Variants in PARD3B observed in about 807,000 individuals in gnomAD.
The protein encoded by PARD3B is par-3 family cell polarity regulator beta.
PARD3B carries 103 observed loss-of-function variants against 130.2 expected under a neutral mutation model. That is an observed-to-expected ratio of 0.79 (90% CI 0.67 to 0.93). The LOEUF is 0.93. Among genes scored for constraint, PARD3B ranks in the 40% least tolerant of loss-of-function variants. The pLI is 0.00. For missense variants in PARD3B, 1,609 were observed against 1,499.2 expected (o/e 1.07, Z -1.21); for synonymous variants, 583 against 553.2 (o/e 1.05, Z -0.76).
chr2:205,148,850 G>T (rs951483115), intron 10 of PARD3B, among the ~76,000 whole-genome samples: 1 of 152,122 alleles, frequency 6.6e-6, no homozygotes, highest in African/African-American at 2.4e-5. Context: ...ACATTTGGGA[G>T]GCAAGGCAAA....
At chr2:205,410,829 G>A (rs546909786) in intron 19 of PARD3B, among the ~76,000 whole-genome samples, 1 of 152,194 alleles carries the variant, frequency 6.6e-6, no homozygotes, top group South Asian at 2.1e-4. Flanking sequence ...GTTCACATAG[G>A]TTGGCAAACT....
chr2:204,551,554 T>G (rs1458033356), intron 1 of PARD3B, among the ~76,000 whole-genome samples: 1 of 152,070 alleles, frequency 6.6e-6, no homozygotes, highest in African/African-American at 2.4e-5. Context: ...CCCTCCTCTT[T>G]CTCTTTCTCT....
intron 10 of PARD3B, among the ~76,000 whole-genome samples, chr2:205,140,486 CTTTTT>C (rs35408494): frequency 2.6e-5 from 3 of 117,488 alleles, no homozygotes; most frequent in Non-Finnish European, 3.4e-5. Context: ...AAGACCGTTC[CTTTTT>C]TTTTTTTTTT....
chr2:205,318,498 A>G (rs2042636877), intron 18 of PARD3B, among the ~76,000 whole-genome samples: 2 of 152,082 alleles, frequency 1.3e-5, no homozygotes. Context: ...GTTAACTAGA[A>G]CTTGCTACCA....
intron 18 of PARD3B, among the ~76,000 whole-genome samples, chr2:205,307,461 C>G (rs1321945115): frequency 6.6e-6 from 1 of 152,108 alleles, no homozygotes; most frequent in Admixed American, 6.6e-5. Context: ...TCTCTGTATG[C>G]TCTGTGCTTA....
intron 18 of PARD3B, among the ~76,000 whole-genome samples, chr2:205,398,308 AAAAG>A (rs34799255): frequency 4.0e-5 from 6 of 151,722 alleles, no homozygotes; most frequent in Non-Finnish European, 5.9e-5. Flanking sequence ...TCTCAACAAA[AAAAG>A]AAAGAAAGTT....
chr2:205,247,709 C>G (rs537385137), intron 16 of PARD3B, among the ~76,000 whole-genome samples: 142 of 152,240 alleles, frequency 9.3e-4, no homozygotes, highest in African/African-American at 3.4e-3. Flanking sequence ...TGAAAAATAA[C>G]CAGCCACTTG....
intron 2 of PARD3B, among the ~76,000 whole-genome samples, chr2:204,962,146 G>C (rs1242828374): frequency 3.9e-5 from 6 of 152,144 alleles, no homozygotes; most frequent in Middle Eastern, 3.2e-3. Context: ...AGTTTTGACT[G>C]GAAGTAAAGA....
chr2:205,208,886 A>G (rs2037468291), intron 15 of PARD3B, among the ~76,000 whole-genome samples: 1 of 139,828 alleles, frequency 7.2e-6, no homozygotes, highest in Non-Finnish European at 1.5e-5. Context: ...GTTCATATGG[A>G]ACCAAAAAAG....
At chr2:205,020,124 T>C (rs1387084562) in intron 3 of PARD3B, among the ~76,000 whole-genome samples, 1 of 152,118 alleles carries the variant, frequency 6.6e-6, no homozygotes, top group Non-Finnish European at 1.5e-5. Context: ...ATGTCACTGA[T>C]TTTATAGTTC....
Position 205,128,676 on chromosome 2 carries a change from A to T in PARD3B, c.1434+2939A>T, listed in dbSNP as rs1455853337. 2.0e-5 allele frequency among the ~76,000 whole-genome samples: 3 copies of T among 151,728 alleles called. No homozygotes were observed. Among genetic ancestry groups the T allele is most frequent in the African/African-American group, 7.3e-5 (3 of 41,312 alleles). On this transcript the variant is annotated intron_variant, in intron 10 of 22. Coordinates refer to ENST00000406610, the MANE Select transcript of PARD3B (RefSeq NM_001302769.2). This position sits in a 1 kb window ranked among gnomAD's most constrained non-coding sequence, Gnocchi z 4.5. ...AAGTTCTCAAAATACGTTAGCTATA[A>T]TTTTTTTTTCTAATACATGACCATT...
intron 18 of PARD3B, among the ~76,000 whole-genome samples, chr2:205,399,248 C>T (rs1255778424): frequency 2.0e-5 from 3 of 151,946 alleles, no homozygotes; most frequent in Non-Finnish European, 4.4e-5. Context: ...CCAGCCTGGG[C>T]AACAAGAGTG....
chr2:205,504,196 A>G (rs559838095), intron 21 of PARD3B, among the ~76,000 whole-genome samples: 5 of 152,294 alleles, frequency 3.3e-5, no homozygotes, highest in African/African-American at 1.2e-4. Context: ...CCATATGGAG[A>G]AGGCTGAAAA....
intron 16 of PARD3B, among the ~76,000 whole-genome samples, chr2:205,252,962 G>A (rs1165650517): frequency 6.6e-6 from 1 of 151,146 alleles, no homozygotes; most frequent in African/African-American, 2.4e-5. Context: ...GAAATATTTA[G>A]GCAAGAAAGC....
intron 2 of PARD3B, among the ~76,000 whole-genome samples, chr2:204,874,092 C>T (rs1268372780): frequency 6.6e-6 from 1 of 152,070 alleles, no homozygotes; most frequent in Non-Finnish European, 1.5e-5. Flanking sequence ...GCAGTGAGCC[C>T]AGATTGCACC....
intron 18 of PARD3B, among the ~76,000 whole-genome samples, chr2:205,323,455 T>A (rs554799216): frequency 3.9e-5 from 6 of 152,254 alleles, no homozygotes; most frequent in African/African-American, 1.4e-4. Context: ...ACCTAAAAAT[T>A]ATGTACAGAA....
chr2:204,895,608 G>A (rs2125696484), intron 2 of PARD3B, among the ~76,000 whole-genome samples: 1 of 152,002 alleles, frequency 6.6e-6, no homozygotes, highest in Non-Finnish European at 1.5e-5. Context: ...AACATTTATT[G>A]TTTTATGCAA....
intron 2 of PARD3B, among the ~76,000 whole-genome samples, chr2:204,772,377 C>T (rs2041423020): frequency 6.6e-6 from 1 of 151,938 alleles, no homozygotes; most frequent in African/African-American, 2.4e-5. Context: ...GAAGAAAAGT[C>T]AGAGTTTGGA....
chr2:204,713,173 A>G (rs1344399600), intron 2 of PARD3B, among the ~76,000 whole-genome samples: 2 of 152,010 alleles, frequency 1.3e-5, no homozygotes, highest in African/African-American at 4.8e-5. Context: ...GCCCCTTGCA[A>G]CACATGGGCA....
Sources: allele counts gnomAD v4.1 joint callset (sites outside exome capture counted in the v4.1 genomes callset), GRCh38; gene constraint gnomAD v4.1.1; non-coding constraint Gnocchi (gnomAD v3.1); transcripts MANE v1.5; gene names NCBI Gene and HGNC (gene_info 2026-07-23, HGNC 2026-07-21).